DTX1: variants seen among roughly 807,000 people sequenced by gnomAD.
The protein encoded by DTX1 is deltex E3 ubiquitin ligase 1.
A neutral mutation model predicts 57.8 loss-of-function variants in DTX1; 26 were observed. The ratio of observed to expected loss-of-function variants is 0.45; its 90% CI spans 0.33 to 0.62. The LOEUF (loss-of-function observed/expected upper bound fraction) is 0.62. Ranked by LOEUF, DTX1 falls within the 20% of genes least tolerant of loss-of-function variation. DTX1 has a pLI of 0.02. For missense variants in DTX1, 704 were observed against 895.3 expected (o/e 0.79, Z 2.73); for synonymous variants, 398 against 394.1 (o/e 1.01, Z -0.12).
chr12:113,096,439 C>CAAAAAAAAAAAAAAAAAAA (rs56194115), intron 9 of DTX1, among the ~76,000 whole-genome samples: 2 of 92,778 alleles, frequency 2.2e-5, no homozygotes, highest in African/African-American at 4.3e-5. Flanking sequence ...GACTCTGCCT[C>CAAAAAAAAAAAAAAAAAAA]AAAAAAAAAA....
At chr12:113,071,528 G>T (rs972264391) in intron 2 of DTX1, among the ~76,000 whole-genome samples, 1 of 152,244 alleles carries the variant, frequency 6.6e-6, no homozygotes, top group Admixed American at 6.5e-5. Context: ...AGGCCAGAGT[G>T]GGGTGTGGTC....
chr12:113,093,576 C>G lies in DTX1; in HGVS notation c.1041C>G (p.Pro347=). ...TACTGCTGTGCGCGGCCGGGCTGCC[C>G]GTGTGCCTGACGCGGGCCCCCAAGC... The part of the protein sequence containing the change: ...TGILLCAAGL[P]VCLTRAPKPI... The change falls in exon 5 of 10, where the codon CCC becomes CCG. Residue 347 remains proline, a synonymous_variant. Coordinates refer to ENST00000548759, the MANE Select transcript of DTX1 (RefSeq NM_004416.3). The surrounding 1 kb of genome is among the most constrained non-coding windows in gnomAD (Gnocchi z 4.2). 6.2e-7 allele frequency: 1 copy of G among 1,610,794 alleles called. No individual in the cohort carries two copies. The highest frequency in any genetic ancestry group is 2.2e-5 in the East Asian group (1 of 44,802).
intron 2 of DTX1, among the ~76,000 whole-genome samples, chr12:113,064,034 C>T (rs1401293889): frequency 6.6e-6 from 1 of 152,208 alleles, no homozygotes; most frequent in African/African-American, 2.4e-5. Context: ...CTTCCCCCTT[C>T]CCCCTTCTCC....
chr12:113,059,814 T>A (rs731570), intron 2 of DTX1, among the ~76,000 whole-genome samples: 41,113 of 152,132 alleles, frequency 0.27, 5,662 homozygotes, highest in South Asian at 0.4. Context: ...TGTGGCTACT[T>A]AAATTTACAT....
In DTX1 at chr12:113,096,711, C is replaced by G; in HGVS notation, c.1639-4C>G. The G allele has an allele frequency of 4.3e-6, 7 of 1,609,932 alleles. No homozygotes were observed. Among genetic ancestry groups the G allele is most frequent in the African/African-American group, 1.3e-5 (1 of 74,896 alleles). On this transcript the variant is annotated splice_polypyrimidine_tract_variant and splice_region_variant and intron_variant, in intron 9 of 9. Transcript: ENST00000548759. ...CCGGCCCCACTGTGTCCCTGTCCCC[C>G]CAGGTGCTGCGGCTGCTCATCACGG...
intron 2 of DTX1, among the ~76,000 whole-genome samples, chr12:113,075,738 C>G (rs898644691): frequency 1.3e-5 from 2 of 151,756 alleles, no homozygotes; most frequent in Non-Finnish European, 2.9e-5. Flanking sequence ...ACAAATGAAA[C>G]AAACAGATGA....
intron 2 of DTX1, among the ~76,000 whole-genome samples, chr12:113,064,837 G>T (rs2044692929): frequency 6.6e-6 from 1 of 152,252 alleles, no homozygotes; most frequent in African/African-American, 2.4e-5. Context: ...CAGATGCACG[G>T]TGCCTTCAGC....
Position 113,077,676 on chromosome 12 carries a change from G to A in DTX1, c.512G>A (p.Arg171His), listed in dbSNP as rs1174280354. 1.9e-6 allele frequency: 3 copies of A among 1,567,588 alleles called. No individual in the cohort carries two copies. Among genetic ancestry groups the A allele is most frequent in the Non-Finnish European group, 2.6e-6 (3 of 1,161,276 alleles). ...RQTRRRRRLR[R>H]RLDLAYPLTV... ...ACGCGCCGGCGCCGCCGCCTGCGCC[G>A]CCGCCTGGACCTCGCCTACCCGCTC... Residue 171 changes from arginine (R) to histidine (H), a missense_variant, in exon 3 of 10, where the codon CGC becomes CAC. By Grantham distance (29) the Arg-to-His change is conservative (BLOSUM62 0). Transcript: ENST00000548759. The surrounding 1 kb of genome is among the most constrained non-coding windows in gnomAD (Gnocchi z 7.8).
chr12:113,076,234 G>A (rs1328900278), intron 2 of DTX1, among the ~76,000 whole-genome samples: 1 of 152,032 alleles, frequency 6.6e-6, no homozygotes, highest in Non-Finnish European at 1.5e-5. Context: ...TGAGGTGGGT[G>A]GATCACCTGA....
chr12:113,088,184 T>G (rs1950219174), intron 3 of DTX1, among the ~76,000 whole-genome samples: 1 of 152,168 alleles, frequency 6.6e-6, no homozygotes, highest in South Asian at 2.1e-4. Flanking sequence ...TGAAGTCATT[T>G]CCCTTCTCTG....
intron 3 of DTX1, among the ~76,000 whole-genome samples, chr12:113,082,061 G>A (rs2044821996): frequency 6.6e-6 from 1 of 152,064 alleles, no homozygotes; most frequent in South Asian, 2.1e-4. Context: ...CCAGAGCTCT[G>A]TTGTCTCCAG....
At chr12:113,062,146 A>G (rs543516490) in intron 2 of DTX1, among the ~76,000 whole-genome samples, 2 of 152,142 alleles carry the variant, frequency 1.3e-5, no homozygotes, top group Admixed American at 1.3e-4. Flanking sequence ...TAGATTTTCT[A>G]ATTGTAAAAT....
chr12:113,094,243 A>G (rs1950269167), intron 6 of DTX1, 144 bp downstream of exon 6: 1 of 686,706 alleles, frequency 1.5e-6, no homozygotes, highest in Non-Finnish European at 2.4e-6. Context: ...ATGAATAGAA[A>G]TACTTACGTT....
chr12:113,070,005 T>C (rs1337101990), intron 2 of DTX1, among the ~76,000 whole-genome samples: 1 of 152,126 alleles, frequency 6.6e-6, no homozygotes, highest in Admixed American at 6.5e-5. Context: ...CATGGGCTCA[T>C]GAGACTAAGT....
intron 2 of DTX1, among the ~76,000 whole-genome samples, chr12:113,073,266 C>G (rs1592846136): frequency 6.6e-6 from 1 of 152,202 alleles, no homozygotes; most frequent in East Asian, 1.9e-4. Flanking sequence ...GAAACTGAGG[C>G]CCTGAGAGGG....
At chr12:113,087,134 A>AC (rs1328707622) in intron 3 of DTX1, among the ~76,000 whole-genome samples, 3 of 148,792 alleles carry the variant, frequency 2.0e-5, no homozygotes, top group African/African-American at 5.2e-5. Flanking sequence ...TTGAAGAGTG[A>AC]CCCCCGCAGC....
chr12:113,095,519 A>G, intron 9 of DTX1, 105 bp downstream of exon 9: 1 of 1,429,928 alleles, frequency 7.0e-7, no homozygotes, highest in Non-Finnish European at 9.6e-7. Context: ...CTGCTCTCAC[A>G]TTCCTCCCAA....
At chr12:113,085,556 T>G (rs1240716165) in intron 3 of DTX1, among the ~76,000 whole-genome samples, 1 of 152,244 alleles carries the variant, frequency 6.6e-6, no homozygotes, top group Non-Finnish European at 1.5e-5. Context: ...GGCTTATCCT[T>G]CCCTGGAGCT....
In DTX1 at chr12:113,094,959, G is replaced by A. The variant is rs1176587156; in HGVS notation, c.1386+12G>A. 12 of 1,610,852 alleles carry A rather than the reference G, an allele frequency of 7.4e-6. No individual in the cohort carries two copies. Among genetic ancestry groups the A allele is most frequent in the Middle Eastern group, 1.7e-4 (1 of 6,050 alleles). ...CCAATGGCAACAAGGTGGGTTGGGC[G>A]GGACAATGGCTGAGGAGTGGGCAGG... On this transcript the variant is annotated intron_variant, in intron 7 of 9. Coordinates refer to ENST00000548759, the MANE Select transcript of DTX1 (RefSeq NM_004416.3).
Sources: allele counts gnomAD v4.1 joint callset (sites outside exome capture counted in the v4.1 genomes callset), GRCh38; gene constraint gnomAD v4.1.1; non-coding constraint Gnocchi (gnomAD v3.1); transcripts MANE v1.5; gene names NCBI Gene and HGNC (gene_info 2026-07-23, HGNC 2026-07-21).